PDE8B: variants seen among roughly 807,000 people sequenced by gnomAD.
The protein encoded by PDE8B is phosphodiesterase 8B.
A neutral mutation model predicts 101.3 loss-of-function variants in PDE8B; 26 were observed. That is an observed-to-expected ratio of 0.26 (90% CI 0.19 to 0.36). PDE8B has a LOEUF of 0.36. PDE8B is among the 10% of genes least tolerant of loss of function. The pLI, the probability that PDE8B is intolerant of heterozygous loss-of-function variation, is 1.00. For missense variants in PDE8B, 810 were observed against 1,163.1 expected, an observed-to-expected ratio of 0.70 and a Z score of 4.42; for synonymous variants, 424 against 429.3, an observed-to-expected ratio of 0.99 and a Z score of 0.15.
At chr5:77,165,863 A>G in the PDE8B span, among the ~76,000 whole-genome samples, 1 of 151,776 alleles carries the variant, frequency 6.6e-6, no homozygotes, top group East Asian at 1.9e-4. Context: ...AAACTTAGCC[A>G]GGTGTGGTGG....
rs557306985 is a variant in PDE8B, at chr5:77,289,166, T to C, written c.340-22828T>C. 4.3e-4 allele frequency among the ~76,000 whole-genome samples: 65 copies of C among 152,310 alleles called. 1 individual carries two copies. In the South Asian group the frequency reaches 0.013, roughly 31 times the overall value. Reference sequence around the variant, plus strand: ...GTTTGTCCTCTTTTATGCCTGGGAATATTATATCAGATTCTCTAAAAGGTT... The same window carrying C: ...GTTTGTCCTCTTTTATGCCTGGGAACATTATATCAGATTCTCTAAAAGGTT... On this transcript the variant is annotated intron_variant, in intron 1 of 21. Coordinates refer to ENST00000264917, the MANE Select transcript of PDE8B (RefSeq NM_003719.5).
chr5:77,147,082 C>CA, the PDE8B span: 1 of 377,134 alleles, frequency 2.7e-6, no homozygotes, highest in Non-Finnish European at 5.1e-6. Flanking sequence ...CCTGATGCAG[C>CA]AAAAAAGGGA....
intron 10 of PDE8B, among the ~76,000 whole-genome samples, chr5:77,385,972 A>G (rs764585194): frequency 2.0e-4 from 30 of 151,956 alleles, no homozygotes; most frequent in Non-Finnish European, 3.7e-4. Context: ...TATTTTTAGT[A>G]GAGACGGGGT....
intron 21 of PDE8B, 36 bp downstream of exon 21, chr5:77,425,932 T>G: frequency 6.3e-7 from 1 of 1,593,212 alleles, no homozygotes; most frequent in Non-Finnish European, 8.6e-7. Flanking sequence ...CAAAGAAAAT[T>G]GTTATACTTT....
chr5:77,118,176 A>T, the PDE8B span: 8 of 378,526 alleles, frequency 2.1e-5, no homozygotes, highest in Non-Finnish European at 3.3e-5. Flanking sequence ...CAAACTGCTG[A>T]TCTAAAGTGA....
intron 5 of PDE8B, among the ~76,000 whole-genome samples, chr5:77,332,046 C>A (rs1015473865): frequency 1.3e-5 from 2 of 152,148 alleles, no homozygotes; most frequent in Non-Finnish European, 2.9e-5. Flanking sequence ...CAAGCTCACC[C>A]AGCATCTCAG....
the PDE8B span, among the ~76,000 whole-genome samples, chr5:77,153,960 G>C: frequency 6.6e-6 from 1 of 152,158 alleles, no homozygotes; most frequent in African/African-American, 2.4e-5. Flanking sequence ...TTGTTTGGGT[G>C]GATTTGACTT....
chr5:77,325,207 T>C (rs1775819691), intron 2 of PDE8B, among the ~76,000 whole-genome samples: 1 of 152,180 alleles, frequency 6.6e-6, no homozygotes, highest in Non-Finnish European at 1.5e-5. Flanking sequence ...CTCACTCTGT[T>C]GCCCAGCTGG....
At chr5:77,280,239 C>A (rs929495708) in intron 1 of PDE8B, among the ~76,000 whole-genome samples, 1 of 152,206 alleles carries the variant, frequency 6.6e-6, no homozygotes, top group Non-Finnish European at 1.5e-5. Context: ...CTCCCGGAGC[C>A]TGTGCATGGT....
chr5:77,335,797 GT>G (rs1778069674), intron 5 of PDE8B, among the ~76,000 whole-genome samples: 1 of 152,114 alleles, frequency 6.6e-6, no homozygotes, highest in Non-Finnish European at 1.5e-5. Context: ...TGCATGATAT[GT>G]TTTTTTAATC....
chr5:77,390,198 C>G (rs1459195892), intron 10 of PDE8B, among the ~76,000 whole-genome samples: 1 of 152,106 alleles, frequency 6.6e-6, no homozygotes, highest in African/African-American at 2.4e-5. Context: ...ACACAAATAC[C>G]TAACTCAGAA....
intron 17 of PDE8B, among the ~76,000 whole-genome samples, chr5:77,417,202 A>C (rs1252177364): frequency 6.6e-6 from 1 of 152,166 alleles, no homozygotes; most frequent in African/African-American, 2.4e-5. Flanking sequence ...TGCAACTAGG[A>C]GTTACTTTAT....
chr5:77,371,222 T>C (rs55857145), intron 10 of PDE8B, among the ~76,000 whole-genome samples: 4,417 of 152,314 alleles, frequency 0.029, 203 homozygotes, highest in African/African-American at 0.1. Context: ...AGATATTTTG[T>C]ATTTTCCTTT....
chr5:77,125,567 T>G, the PDE8B span, among the ~76,000 whole-genome samples: 1 of 152,214 alleles, frequency 6.6e-6, no homozygotes, highest in Non-Finnish European at 1.5e-5. Flanking sequence ...ACAATTCAAA[T>G]GTCAAAACAG....
the PDE8B span, among the ~76,000 whole-genome samples, chr5:77,204,433 A>T: frequency 6.6e-6 from 1 of 151,812 alleles, no homozygotes; most frequent in East Asian, 1.9e-4. Flanking sequence ...AAAAGTATTC[A>T]TGTTAATCAT....
chr5:77,157,007 A>T, the PDE8B span, among the ~76,000 whole-genome samples: 1 of 152,114 alleles, frequency 6.6e-6, no homozygotes, highest in Non-Finnish European at 1.5e-5. Flanking sequence ...TCCATTTCCC[A>T]CTAGACAGGT....
intron 10 of PDE8B, among the ~76,000 whole-genome samples, chr5:77,385,467 T>C (rs1286728690): frequency 1.3e-5 from 2 of 151,956 alleles, no homozygotes; most frequent in African/African-American, 4.8e-5. Flanking sequence ...TTTTCGTGTT[T>C]CTATCTTCTT....
Position 77,373,019 on chromosome 5 carries a change from C to T in PDE8B, c.1167+19613C>T, listed in dbSNP as rs575863318. On this transcript the variant is annotated intron_variant, in intron 10 of 21. Transcript: ENST00000264917. The stretch of plus-strand genomic sequence containing the variant: ...CTCCAGCCTGGGCGACAGAGTGAGA[C>T]TTCATCTCAAAAAAAAAAAAAAGAA... Among the ~76,000 whole-genome samples the T allele has an allele frequency of 3.4e-3, 421 of 123,928 alleles. 2 individuals are homozygous for T. The highest frequency in any genetic ancestry group is 0.013 in the African/African-American group (397 of 30,034). The allele number at this position is 123,928 out of a possible 152,430, so 81.3% of individuals were successfully genotyped here.
chr5:77,121,206 C>A, the PDE8B span, among the ~76,000 whole-genome samples: 1 of 152,174 alleles, frequency 6.6e-6, no homozygotes, highest in Admixed American at 6.5e-5. Context: ...CAAGCCAAGG[C>A]TGCATTCATC....
Sources: allele counts gnomAD v4.1 joint callset (sites outside exome capture counted in the v4.1 genomes callset), GRCh38; gene constraint gnomAD v4.1.1; transcripts MANE v1.5; gene names NCBI Gene and HGNC (gene_info 2026-07-23, HGNC 2026-07-21).